Variants in ANK2 observed in about 807,000 individuals in gnomAD.
ANK2 encodes ankyrin-2.
In ANK2, 83 loss-of-function variants were observed where a neutral mutation model predicts 360.5. The ratio of observed to expected loss-of-function variants is 0.23; its 90% CI spans 0.19 to 0.28. The LOEUF (loss-of-function observed/expected upper bound fraction) is 0.28, where lower values mean the gene tolerates loss of function less well. ANK2 is among the 10% of genes least tolerant of loss of function. ANK2 has a pLI of 1.00. For synonymous variants in ANK2, 1,740 were observed against 1,759.5 expected, an observed-to-expected ratio of 0.99 and a Z score of 0.28; for missense variants, 4,201 against 4,795.7, an observed-to-expected ratio of 0.88 and a Z score of 3.66.
intron 1 of ANK2, among the ~76,000 whole-genome samples, chr4:112,890,653 C>T (rs534146680): frequency 3.4e-5 from 5 of 149,166 alleles, no homozygotes; most frequent in South Asian, 4.3e-4. Flanking sequence ...CCGCAACCTC[C>T]GCCTCCCAGG....
rs777477439 is a variant in ANK2 at position 113,356,569 on chromosome 4, G to C, written c.7951G>C (p.Val2651Leu). Residue 2651 changes from valine to leucine, a missense_variant, in exon 38 of 46, where the codon GTG (valine) becomes CTG (leucine). This residue lies in a region of ANK2 where 2,642 missense variants were observed against 2,714.5 expected (regional missense o/e 0.97). Coordinates refer to ENST00000357077, the MANE Select transcript of ANK2 (RefSeq NM_001148.6). ...GSGEDESGVP[V>L]LVTSESRKVS... ...TGGGGAGGATGAAAGTGGTGTCCCTGTGTTAGTAACTTCGGAGAGCAGGAA... is the reference window on the plus strand; with the variant it reads ...TGGGGAGGATGAAAGTGGTGTCCCTCTGTTAGTAACTTCGGAGAGCAGGAA... The C allele has an allele frequency of 2.0e-5, 33 of 1,613,960 alleles. No homozygotes were observed. The Middle Eastern group carries it at 9.9e-4, about 48-fold the overall frequency.
At chr4:112,765,652 T>G in the ANK2 span, among the ~76,000 whole-genome samples, 2 of 141,186 alleles carry the variant, frequency 1.4e-5, no homozygotes, top group South Asian at 2.3e-4. Flanking sequence ...AACTCCCCCC[T>G]CCCCCGCTTT....
chr4:113,135,268 C>T (rs114338379), intron 1 of ANK2, among the ~76,000 whole-genome samples: 3,150 of 152,130 alleles, frequency 0.021, 104 homozygotes, highest in African/African-American at 0.072. Flanking sequence ...GAGAGAGGAG[C>T]AGCAAGTGAG....
chr4:112,892,025 G>A (rs1296507163), intron 1 of ANK2, among the ~76,000 whole-genome samples: 10 of 151,906 alleles, frequency 6.6e-5, no homozygotes, highest in African/African-American at 1.9e-4. Context: ...AGACATAAAA[G>A]TATAGTGGTG....
chr4:113,230,399 C>T, intron 4 of ANK2, among the ~76,000 whole-genome samples: 1 of 151,940 alleles, frequency 6.6e-6, no homozygotes, highest in Admixed American at 6.6e-5. Flanking sequence ...CCTGTAGTCC[C>T]AGCTACTCGG....
intron 2 of ANK2, among the ~76,000 whole-genome samples, chr4:112,951,413 A>C (rs72892490): frequency 0.062 from 9,479 of 152,320 alleles, 386 homozygotes; most frequent in African/African-American, 0.11. Context: ...GCTGGTATAA[A>C]AAAGGTTTTT....
the ANK2 span, among the ~76,000 whole-genome samples, chr4:112,777,206 C>G: frequency 6.6e-6 from 1 of 152,122 alleles, no homozygotes; most frequent in East Asian, 1.9e-4. Context: ...AATCACACAG[C>G]AGGAACTGGC....
chr4:113,099,704 T>G (rs1342767458), intron 1 of ANK2, among the ~76,000 whole-genome samples: 1 of 151,972 alleles, frequency 6.6e-6, no homozygotes, highest in East Asian at 1.9e-4. Flanking sequence ...AACAGAGGAC[T>G]GACACTACCC....
chr4:113,163,861 T>C (rs76247994), intron 1 of ANK2, among the ~76,000 whole-genome samples: 3,565 of 151,122 alleles, frequency 0.024, 144 homozygotes, highest in African/African-American at 0.083. Flanking sequence ...TATTATCCAA[T>C]GGTTTTTAGT....
At chr4:113,301,378 TACACACACAC>T (rs59844602) in intron 22 of ANK2, among the ~76,000 whole-genome samples, 9,317 of 149,270 alleles carry the variant, frequency 0.062, 328 homozygotes, top group African/African-American at 0.096. Flanking sequence ...GATGTTTTGA[TACACACACAC>T]ACACACACAC....
chr4:113,300,066 AAAT>A (rs1320617286), intron 22 of ANK2, among the ~76,000 whole-genome samples: 2 of 152,034 alleles, frequency 1.3e-5, no homozygotes, highest in African/African-American at 4.8e-5. Context: ...TATAATATTA[AAAT>A]AATAATCAAA....
At chr4:113,126,972 T>C (rs2095698554) in intron 1 of ANK2, among the ~76,000 whole-genome samples, 1 of 152,192 alleles carries the variant, frequency 6.6e-6, no homozygotes, top group Non-Finnish European at 1.5e-5. Flanking sequence ...GGTTATGTAT[T>C]CTTTAGTAAG....
chr4:113,219,727 C>A lies in ANK2; in HGVS notation c.385-12434C>A, dbSNP rs1439221648. On this transcript the variant is annotated intron_variant, in intron 4 of 45. Transcript: ENST00000357077. ...AGGGTCACTAAATAATATATTTTAACCATAATAATGTTAAATTATGTTTTT... is the reference window on the plus strand; with the variant it reads ...AGGGTCACTAAATAATATATTTTAAACATAATAATGTTAAATTATGTTTTT... 3.3e-5 allele frequency among the ~76,000 whole-genome samples: 5 copies of A among 152,106 alleles called. No homozygotes were observed. In the South Asian group the frequency reaches 6.2e-4, roughly 19 times the overall value.
At chr4:113,049,635 C>T, upstream of ANK2, 1 of 1,534,238 alleles carries the variant, frequency 6.5e-7, no homozygotes, top group Non-Finnish European at 8.8e-7. Context: ...CCTCCTCCTC[C>T]TCCTGCTTTC....
chr4:113,347,030 AGTGGTGACT>A (rs2094938092), intron 35 of ANK2, among the ~76,000 whole-genome samples: 1 of 152,144 alleles, frequency 6.6e-6, no homozygotes, highest in African/African-American at 2.4e-5. Context: ...AAGGGTGATG[AGTGGTGACT>A]GCTGAGACCT....
the ANK2 span, among the ~76,000 whole-genome samples, chr4:112,719,696 C>T: frequency 2.0e-3 from 298 of 149,096 alleles, 1 homozygote; most frequent in African/African-American, 7.2e-3. Flanking sequence ...GATTACACTC[C>T]AGCCTGGGCG....
intron 2 of ANK2, among the ~76,000 whole-genome samples, chr4:112,931,768 C>A (rs1366303219): frequency 6.6e-6 from 1 of 152,088 alleles, no homozygotes; most frequent in African/African-American, 2.4e-5. Flanking sequence ...CAAACAGTAT[C>A]CTATGCTGAT....
chr4:113,169,575 C>T (rs1044987393), intron 1 of ANK2, among the ~76,000 whole-genome samples: 31 of 152,234 alleles, frequency 2.0e-4, no homozygotes, highest in African/African-American at 6.3e-4. Context: ...GTGTGTAGGG[C>T]GCACCATAAG....
chr4:112,983,497 A>T (rs568884398), intron 2 of ANK2, among the ~76,000 whole-genome samples: 10 of 151,938 alleles, frequency 6.6e-5, no homozygotes, highest in Admixed American at 2.0e-4. Flanking sequence ...ACCAACATGG[A>T]GAAACCCTGT....
Sources: gnomAD v4.1 joint callset for allele counts (sites outside exome capture counted in the v4.1 genomes callset) on GRCh38, gnomAD v4.1.1 for gene constraint, gnomAD v4.1.1 regional missense constraint, MANE v1.5 for transcripts, NCBI Gene and HGNC (gene_info 2026-07-23, HGNC 2026-07-21) for gene names.